Variants in TMEM108 observed in about 807,000 individuals in gnomAD.
The protein encoded by TMEM108 is cancer/testis antigen 124.
In TMEM108, 12 loss-of-function variants were observed where a neutral mutation model predicts 35.1. The ratio of observed to expected loss-of-function variants is 0.34; its 90% CI spans 0.22 to 0.55. TMEM108 has a LOEUF of 0.55. Among genes scored for constraint, TMEM108 ranks in the 20% least tolerant of loss-of-function variants. The probability of loss-of-function intolerance (pLI) is 0.89; values close to 1 mark genes in which losing one functional copy is unlikely to be tolerated. For missense variants in TMEM108, 680 were observed against 753.3 expected (o/e 0.90, Z 1.14); for synonymous variants, 287 against 308.6 (o/e 0.93, Z 0.73).
At chr3:133,165,274 T>A (rs995733929) in intron 2 of TMEM108, among the ~76,000 whole-genome samples, 3 of 152,202 alleles carry the variant, frequency 2.0e-5, no homozygotes, top group Non-Finnish European at 4.4e-5. Context: ...TTGTGAAGGC[T>A]TATGTTCTCC....
chr3:133,095,981 C>T (rs978414857), intron 2 of TMEM108, among the ~76,000 whole-genome samples: 1 of 152,126 alleles, frequency 6.6e-6, no homozygotes, highest in African/African-American at 2.4e-5. Context: ...TCAACAGCAG[C>T]GTTTTAATTT....
intron 2 of TMEM108, among the ~76,000 whole-genome samples, chr3:133,114,503 A>T (rs1035004095): frequency 6.6e-6 from 1 of 152,148 alleles, no homozygotes; most frequent in Non-Finnish European, 1.5e-5. Flanking sequence ...GATTTTTGTA[A>T]TTCGGTGAGT....
intron 2 of TMEM108, among the ~76,000 whole-genome samples, chr3:133,094,985 GAATT>G (rs1276005251): frequency 4.6e-5 from 7 of 152,160 alleles, no homozygotes; most frequent in Non-Finnish European, 8.8e-5. Context: ...GTGACTAAGT[GAATT>G]AATTAATTGT....
intron 2 of TMEM108, chr3:133,121,017 G>C (rs762164734): frequency 4.6e-5 from 7 of 152,188 alleles, no homozygotes; most frequent in Non-Finnish European, 7.3e-5. Flanking sequence ...CATTTGATCT[G>C]ATACATCCCT....
chr3:133,145,744 A>G (rs1169514010), intron 2 of TMEM108, among the ~76,000 whole-genome samples: 2 of 152,014 alleles, frequency 1.3e-5, no homozygotes, highest in Non-Finnish European at 2.9e-5. Flanking sequence ...ATAAGAGTTC[A>G]CTCATGATTT....
At chr3:133,100,698 G>A (rs1944075866) in intron 2 of TMEM108, among the ~76,000 whole-genome samples, 1 of 152,132 alleles carries the variant, frequency 6.6e-6, no homozygotes, top group Non-Finnish European at 1.5e-5. Flanking sequence ...ATAAGCATGA[G>A]GACTTTGATT....
chr3:133,111,882 C>T (rs974719102), intron 2 of TMEM108, among the ~76,000 whole-genome samples: 1 of 152,122 alleles, frequency 6.6e-6, no homozygotes, highest in African/African-American at 2.4e-5. Context: ...ACCCTGCTTC[C>T]ACCCAGTAAC....
At chr3:133,211,106 G>A (rs765260081) in intron 2 of TMEM108, among the ~76,000 whole-genome samples, 24 of 152,238 alleles carry the variant, frequency 1.6e-4, no homozygotes, top group Non-Finnish European at 2.6e-4. Flanking sequence ...CCACTTGGTA[G>A]CAAAAAATTA....
intron 3 of TMEM108, among the ~76,000 whole-genome samples, chr3:133,288,614 TC>T (rs2107693358): frequency 6.6e-6 from 1 of 152,320 alleles, no homozygotes; most frequent in African/African-American, 2.4e-5. Flanking sequence ...CTCCTACCTG[TC>T]TGATGATGCT....
chr3:133,310,530 C>CTTTTTTTTTTTTTTTT (rs59215786), intron 3 of TMEM108, among the ~76,000 whole-genome samples: 5 of 22,212 alleles, frequency 2.3e-4, no homozygotes, highest in Admixed American at 9.6e-4. Context: ...GCAACCCCTG[C>CTTTTTTTTTTTTTTTT]TTTTTTTTTT....
At chr3:133,334,993 A>T (rs1048897582) in intron 3 of TMEM108, among the ~76,000 whole-genome samples, 2 of 152,168 alleles carry the variant, frequency 1.3e-5, no homozygotes, top group Non-Finnish European at 2.9e-5. Flanking sequence ...TTTACATAGG[A>T]TTGGTAAGGA....
chr3:133,379,531 G>A (rs1299233511), intron 3 of TMEM108, among the ~76,000 whole-genome samples: 1 of 152,106 alleles, frequency 6.6e-6, no homozygotes, highest in African/African-American at 2.4e-5. Flanking sequence ...TTCCCCTGGT[G>A]CTGGTCTCTC....
chr3:133,143,921 CTTTTATTTTATTTTATTTTATTTTA>C (rs3078779), intron 2 of TMEM108, among the ~76,000 whole-genome samples: 1,590 of 131,244 alleles, frequency 0.012, 33 homozygotes, highest in African/African-American at 0.044. Context: ...GGAAGGCTCA[CTTTTATTTTATTTTATTTTATTTTA>C]TTTTATTTTA....
intron 2 of TMEM108, among the ~76,000 whole-genome samples, chr3:133,110,735 G>C (rs1399897827): frequency 6.6e-6 from 1 of 152,204 alleles, no homozygotes; most frequent in Non-Finnish European, 1.5e-5. Flanking sequence ...ACTGAAGCGA[G>C]ACTGTCTCCT....
intron 2 of TMEM108, among the ~76,000 whole-genome samples, chr3:133,224,431 T>C (rs1242576427): frequency 6.6e-6 from 1 of 152,218 alleles, no homozygotes; most frequent in Non-Finnish European, 1.5e-5. Context: ...AGCATATTGA[T>C]ACAGTTTGGC....
intron 3 of TMEM108, among the ~76,000 whole-genome samples, chr3:133,337,048 T>G (rs1352211229): frequency 6.6e-6 from 1 of 152,012 alleles, no homozygotes; most frequent in Admixed American, 6.5e-5. Flanking sequence ...GAACACCAGG[T>G]AGGTAGACTT....
At chr3:133,169,690 A>G (rs1218552099) in intron 2 of TMEM108, among the ~76,000 whole-genome samples, 1 of 152,220 alleles carries the variant, frequency 6.6e-6, no homozygotes, top group Non-Finnish European at 1.5e-5. Context: ...GTTGAAAATT[A>G]CCACTGTAGC....
intron 2 of TMEM108, among the ~76,000 whole-genome samples, chr3:133,099,068 C>A (rs1314663148): frequency 6.6e-6 from 1 of 152,232 alleles, no homozygotes; most frequent in African/African-American, 2.4e-5. Flanking sequence ...CCCACCCCTG[C>A]AGCAAACTTT....
intron 2 of TMEM108, among the ~76,000 whole-genome samples, chr3:133,067,276 C>T (rs1367925626): frequency 6.6e-6 from 1 of 152,124 alleles, no homozygotes; most frequent in Non-Finnish European, 1.5e-5. Context: ...TGCTTCACAG[C>T]CTTATGATAC....
Sources: gnomAD v4.1 joint callset for allele counts (sites outside exome capture counted in the v4.1 genomes callset) on GRCh38, gnomAD v4.1.1 for gene constraint, MANE v1.5 for transcripts, NCBI Gene and HGNC (gene_info 2026-07-23, HGNC 2026-07-21) for gene names.